Variants in TRHDE observed in about 807,000 individuals in gnomAD.
TRHDE encodes thyrotropin releasing hormone degrading enzyme.
Under a neutral mutation model 125.7 loss-of-function variants are expected in TRHDE, and 72 were observed. The observed-to-expected ratio is 0.57, with a 90% CI of 0.47 to 0.70. The LOEUF is 0.70. TRHDE is among the 30% of genes least tolerant of loss of function. The pLI is 0.00. For missense variants in TRHDE, 1,110 were observed against 1,327.1 expected (o/e 0.84, Z 2.54); for synonymous variants, 509 against 509.1 (o/e 1.00, Z 0.00).
intron 2 of TRHDE, among the ~76,000 whole-genome samples, chr12:72,366,766 A>AT (rs1871355938): frequency 6.6e-6 from 1 of 151,798 alleles, no homozygotes. Flanking sequence ...TTTTAGTAAA[A>AT]TTCTGTAAAG....
intron 9 of TRHDE, 108 bp from the exon 10 acceptor site, chr12:72,568,460 C>G: frequency 1.6e-6 from 1 of 621,060 alleles, no homozygotes; most frequent in South Asian, 3.2e-5. Context: ...TTTTTTAGTT[C>G]ACCTAATGAG....
At chr12:72,662,024 A>G (rs1874938510) in intron 18 of TRHDE, among the ~76,000 whole-genome samples, 1 of 152,192 alleles carries the variant, frequency 6.6e-6, no homozygotes, top group Non-Finnish European at 1.5e-5. Flanking sequence ...TCCATGAACT[A>G]ATTTCTAAAT....
chr12:72,453,857 G>C (rs901527201), intron 3 of TRHDE, among the ~76,000 whole-genome samples: 1 of 152,190 alleles, frequency 6.6e-6, no homozygotes, highest in Non-Finnish European at 1.5e-5. Context: ...CATAAGCCTT[G>C]GCAGGTACCA....
intron 2 of TRHDE, among the ~76,000 whole-genome samples, chr12:72,133,605 C>T (rs1186839471): frequency 6.6e-6 from 1 of 152,170 alleles, no homozygotes; most frequent in African/African-American, 2.4e-5. Flanking sequence ...ATTACATTAA[C>T]ATCACAGCAT....
intron 2 of TRHDE, among the ~76,000 whole-genome samples, chr12:72,182,427 C>T (rs1458491663): frequency 2.0e-5 from 3 of 152,208 alleles, no homozygotes; most frequent in African/African-American, 7.2e-5. Context: ...TTCAGGACTT[C>T]AGTGGTACCA....
At chr12:72,547,151 G>GTT (rs5799079) in intron 7 of TRHDE, among the ~76,000 whole-genome samples, 74 of 143,930 alleles carry the variant, frequency 5.1e-4, no homozygotes, top group African/African-American at 1.7e-3. Context: ...ATTTTTACTT[G>GTT]TTTTTTTTTT....
At chr12:72,178,878 TTAAAA>T (rs1463861251) in intron 2 of TRHDE, among the ~76,000 whole-genome samples, 1 of 152,102 alleles carries the variant, frequency 6.6e-6, no homozygotes, top group African/African-American at 2.4e-5. Context: ...AAATATTTCT[TTAAAA>T]TAAACAAAAG....
At chr12:72,587,441 G>A (rs1871487053) in intron 12 of TRHDE, among the ~76,000 whole-genome samples, 1 of 151,960 alleles carries the variant, frequency 6.6e-6, no homozygotes, top group South Asian at 2.1e-4. Context: ...ATGATAGATT[G>A]GTAGTTACGT....
intron 2 of TRHDE, among the ~76,000 whole-genome samples, chr12:72,253,241 A>G (rs1878725154): frequency 6.6e-6 from 1 of 152,056 alleles, no homozygotes; most frequent in African/African-American, 2.4e-5. Flanking sequence ...TCACTTTTTA[A>G]GTTCTCGGAA....
rs367804601 is a variant in TRHDE, at chr12:72,123,429, A to G, written n.279+17677A>G. ...AAAACTCAGAGAAGTAGAAAGAAGA[A>G]TATTACAAAACTCATAAAATGTCAT... On this transcript the variant is annotated intron_variant and non_coding_transcript_variant, in intron 2 of 4. Coordinates refer to the TRHDE transcript ENST00000548156. 2.8e-4 allele frequency among the ~76,000 whole-genome samples: 43 copies of G among 152,244 alleles called. No individual in the cohort carries two copies. The South Asian group carries it at 7.5e-3, about 26-fold the overall frequency.
chr12:72,517,377 G>C (rs1362621883), intron 6 of TRHDE, among the ~76,000 whole-genome samples: 1 of 152,106 alleles, frequency 6.6e-6, no homozygotes, highest in Non-Finnish European at 1.5e-5. Flanking sequence ...TCTTGGGAGA[G>C]TGCATGTGTC....
intron 15 of TRHDE, among the ~76,000 whole-genome samples, chr12:72,647,952 T>G (rs973953639): frequency 3.3e-5 from 5 of 151,918 alleles, no homozygotes; most frequent in African/African-American, 1.2e-4. Flanking sequence ...GGTGAAGACA[T>G]CACAAGAAAT....
intron 12 of TRHDE, among the ~76,000 whole-genome samples, chr12:72,580,988 C>T (rs1416213330): frequency 6.6e-6 from 1 of 152,006 alleles, no homozygotes; most frequent in Non-Finnish European, 1.5e-5. Flanking sequence ...ATAGGAAATA[C>T]CATCGGGAGA....
At chr12:72,566,517 T>C (rs10879445) in intron 9 of TRHDE, among the ~76,000 whole-genome samples, 40,391 of 151,756 alleles carry the variant, frequency 0.27, 8,118 homozygotes, top group African/African-American at 0.54. Flanking sequence ...AATCGTTTTC[T>C]TGTATTTTAG....
chr12:72,393,024 AATTT>A (rs1385502828), intron 3 of TRHDE, among the ~76,000 whole-genome samples: 6 of 152,186 alleles, frequency 3.9e-5, no homozygotes, highest in South Asian at 4.1e-4. Flanking sequence ...TTTGTATACA[AATTT>A]ATTTATATAT....
intron 3 of TRHDE, 21 bp downstream of exon 3, chr12:72,378,142 T>C: frequency 6.4e-7 from 1 of 1,567,384 alleles, no homozygotes; most frequent in Non-Finnish European, 8.6e-7. Context: ...TCTTGGTTAT[T>C]TTATTGGAAG....
At chr12:72,637,592 T>C (rs1873821224) in intron 15 of TRHDE, among the ~76,000 whole-genome samples, 1 of 152,062 alleles carries the variant, frequency 6.6e-6, no homozygotes, top group African/African-American at 2.4e-5. Context: ...TTAATTGTGA[T>C]GTTAGGGTGT....
chr12:72,621,499 A>T, intron 14 of TRHDE, 145 bp from the exon 15 acceptor site: 1 of 637,524 alleles, frequency 1.6e-6, no homozygotes, highest in Non-Finnish European at 2.6e-6. Flanking sequence ...TTTAACTTCC[A>T]CTCTGCCTAA....
chr12:72,534,183 T>C (rs1428767329), intron 6 of TRHDE, among the ~76,000 whole-genome samples: 1 of 152,154 alleles, frequency 6.6e-6, no homozygotes, highest in Non-Finnish European at 1.5e-5. Flanking sequence ...TTAAATAATC[T>C]AGTTAAAGGA....
Sources: allele counts gnomAD v4.1 joint callset (sites outside exome capture counted in the v4.1 genomes callset), GRCh38; gene constraint gnomAD v4.1.1; transcripts MANE v1.5; gene names NCBI Gene and HGNC (gene_info 2026-07-23, HGNC 2026-07-21).